The following GLRA1 variants were observed in gnomAD, a reference collection of about 807,000 sequenced individuals.
The protein encoded by GLRA1 is glycine receptor alpha 1.
Under a neutral mutation model 48.3 loss-of-function variants are expected in GLRA1, and 37 were observed. The ratio of observed to expected loss-of-function variants is 0.77; its 90% confidence interval spans 0.59 to 1.01. The LOEUF is 1.01. GLRA1 is among the 50% of genes least tolerant of loss of function. The probability of loss-of-function intolerance (pLI) is 0.00; values close to 1 mark genes in which losing one functional copy is unlikely to be tolerated. For synonymous variants in GLRA1, 196 were observed against 210.7 expected (o/e 0.93, Z 0.60); for missense variants, 427 against 571.0 (o/e 0.75, Z 2.57).
rs143284338 is a variant in GLRA1 at position 151,908,062 on chromosome 5, C to T, written c.57-15624G>A. Among the ~76,000 whole-genome samples, 193 of 151,994 alleles carry T rather than the reference C, an allele frequency of 1.3e-3. 3 individuals carry two copies. The highest frequency in any genetic ancestry group is 1.9e-4 in the East Asian group (1 of 5,180). ...AGAGGTGAGGAAGAGGAGGAAGGGC[C>T]GCCCTTCTGAGGGCTCTCTCAGCAG... On this transcript the variant is annotated intron_variant, in intron 1 of 8. Transcript: ENST00000274576.
At chr5:151,857,575 A>G (rs1753080739) in intron 4 of GLRA1, among the ~76,000 whole-genome samples, 1 of 152,162 alleles carries the variant, frequency 6.6e-6, no homozygotes, top group Admixed American at 6.5e-5. Flanking sequence ...TATTTCAAAG[A>G]GGCCCTCTGC....
chr5:151,859,715 T>C, intron 4 of GLRA1, 70 bp downstream of exon 4: 1 of 1,154,866 alleles, frequency 8.7e-7, no homozygotes, highest in African/African-American at 1.5e-5. Context: ...TCTTTTAGAG[T>C]CTATGCCCAG....
chr5:151,918,900 A>G (rs1754801435), intron 1 of GLRA1, among the ~76,000 whole-genome samples: 1 of 152,194 alleles, frequency 6.6e-6, no homozygotes, highest in Non-Finnish European at 1.5e-5. Context: ...ATTAAAAAAA[A>G]TCTATGAATC....
At chr5:151,867,076 A>C (rs551084025) in intron 3 of GLRA1, among the ~76,000 whole-genome samples, 2 of 152,298 alleles carry the variant, frequency 1.3e-5, no homozygotes, top group South Asian at 4.1e-4. Flanking sequence ...GTGCCACTGC[A>C]CTCCGGCCTG....
At chr5:151,913,334 C>G (rs985326570) in intron 1 of GLRA1, among the ~76,000 whole-genome samples, 6 of 152,054 alleles carry the variant, frequency 3.9e-5, no homozygotes, top group African/African-American at 1.5e-4. Context: ...GTCTTTTACA[C>G]CAGAGTGAGG....
At chr5:151,853,133 C>G (rs1016436522) in intron 6 of GLRA1, among the ~76,000 whole-genome samples, 3 of 152,164 alleles carry the variant, frequency 2.0e-5, no homozygotes, top group Non-Finnish European at 2.9e-5. Context: ...TACAGAATTT[C>G]AGTTGTGCAA....
At chr5:151,888,962 C>A (rs1753987391) in intron 2 of GLRA1, among the ~76,000 whole-genome samples, 1 of 152,174 alleles carries the variant, frequency 6.6e-6, no homozygotes, top group Admixed American at 6.5e-5. Flanking sequence ...CAGGATTTTT[C>A]TCCTTTATTT....
At chr5:151,838,279 C>T (rs1294745415) in intron 7 of GLRA1, among the ~76,000 whole-genome samples, 2 of 151,972 alleles carry the variant, frequency 1.3e-5, no homozygotes, top group Non-Finnish European at 2.9e-5. Context: ...ACCAGCCTGG[C>T]CAACATGGTG....
At chr5:151,897,897 G>C (rs1211205182) in intron 1 of GLRA1, among the ~76,000 whole-genome samples, 1 of 152,166 alleles carries the variant, frequency 6.6e-6, no homozygotes, top group Non-Finnish European at 1.5e-5. Flanking sequence ...GATGTTTATG[G>C]ATGTATGTGG....
intron 1 of GLRA1, among the ~76,000 whole-genome samples, chr5:151,912,062 G>A (rs1400946949): frequency 6.6e-6 from 1 of 152,170 alleles, no homozygotes; most frequent in African/African-American, 2.4e-5. Flanking sequence ...AGCAGAATTT[G>A]CAGGGGAAGG....
At chr5:151,833,258 C>A (rs1344577957) in intron 7 of GLRA1, among the ~76,000 whole-genome samples, 1 of 152,094 alleles carries the variant, frequency 6.6e-6, no homozygotes, top group Non-Finnish European at 1.5e-5. Context: ...GCAAAATAAC[C>A]AGCTAGCATC....
In GLRA1 at chr5:151,904,645, G is replaced by C. The variant is rs1754435852; in HGVS notation, c.57-12207C>G. ...GGCCTCAAATCAGGCTCTGGCTTTT[G>C]CTAGCTGTGCAGCCTTGGACAAGTT... On this transcript the variant is annotated intron_variant, in intron 1 of 8. Coordinates refer to ENST00000274576, the MANE Select transcript of GLRA1 (RefSeq NM_000171.4). 2.0e-5 allele frequency among the ~76,000 whole-genome samples: 3 copies of C among 152,202 alleles called. No homozygotes were observed. In the South Asian group the frequency reaches 6.2e-4, roughly 31 times the overall value.
chr5:151,878,613 C>T (rs73285976), intron 3 of GLRA1, among the ~76,000 whole-genome samples: 1 of 152,132 alleles, frequency 6.6e-6, no homozygotes, highest in Non-Finnish European at 1.5e-5. Flanking sequence ...GGTCCCTGTG[C>T]TGTGTGCGGT....
chr5:151,827,507 T>C (rs2915885), intron 8 of GLRA1, among the ~76,000 whole-genome samples: 64,382 of 151,938 alleles, frequency 0.42, 13,804 homozygotes, highest in African/African-American at 0.48. Context: ...TTTGGCATCC[T>C]CTGATTTAAT....
intron 7 of GLRA1, among the ~76,000 whole-genome samples, chr5:151,831,860 C>A (rs1051725705): frequency 6.6e-6 from 1 of 152,212 alleles, no homozygotes; most frequent in Non-Finnish European, 1.5e-5. Context: ...GGAGAGACAC[C>A]TCCCTGCAGG....
intron 1 of GLRA1, among the ~76,000 whole-genome samples, chr5:151,896,129 T>A (rs1274223611): frequency 6.6e-6 from 1 of 152,220 alleles, no homozygotes; most frequent in South Asian, 2.1e-4. Flanking sequence ...TAGCATAACA[T>A]GCCATTTAAT....
intron 3 of GLRA1, among the ~76,000 whole-genome samples, chr5:151,868,927 A>G (rs183589110): frequency 1.3e-3 from 203 of 152,290 alleles, no homozygotes; most frequent in African/African-American, 4.4e-3. Flanking sequence ...TCATTTAGAT[A>G]TCACACAATC....
chr5:151,910,526 G>T (rs1754583250), intron 1 of GLRA1, among the ~76,000 whole-genome samples: 1 of 152,042 alleles, frequency 6.6e-6, no homozygotes, highest in African/African-American at 2.4e-5. Flanking sequence ...TTTGCTATTT[G>T]CCTTCCCTTC....
chr5:151,909,958 C>T (rs1460218553), intron 1 of GLRA1, among the ~76,000 whole-genome samples: 1 of 152,022 alleles, frequency 6.6e-6, no homozygotes, highest in Non-Finnish European at 1.5e-5. Context: ...GGGTAGGGCT[C>T]CAGTCACCCT....
Sources: gnomAD v4.1 joint callset for allele counts (sites outside exome capture counted in the v4.1 genomes callset) on GRCh38, gnomAD v4.1.1 for gene constraint, MANE v1.5 for transcripts, NCBI Gene and HGNC (gene_info 2026-07-23, HGNC 2026-07-21) for gene names.